The following ANO4 variants were observed in gnomAD, a reference collection of about 807,000 sequenced individuals.
ANO4 encodes the protein anoctamin-4.
In ANO4, 69 loss-of-function variants were observed where a neutral mutation model predicts 141.9. The ratio of observed to expected loss-of-function variants is 0.49; its 90% CI spans 0.40 to 0.59. The LOEUF is 0.59. Ranked by LOEUF, ANO4 falls within the 20% of genes least tolerant of loss-of-function variation. The pLI, the probability that ANO4 is intolerant of heterozygous loss-of-function variation, is 0.00. For missense variants in ANO4, 894 were observed against 1,162.2 expected (o/e 0.77, Z 3.36); for synonymous variants, 350 against 394.3 (o/e 0.89, Z 1.33).
chr12:101,111,476 A>T, intron 23 of ANO4, 87 bp from the exon 24 acceptor site: 1 of 1,281,962 alleles, frequency 7.8e-7, no homozygotes, highest in South Asian at 1.7e-5. Flanking sequence ...GACCCATGAA[A>T]AGGACTTTTA....
intron 22 of ANO4, 66 bp from the exon 23 acceptor site, chr12:101,110,338 T>C: frequency 6.8e-7 from 1 of 1,473,572 alleles, no homozygotes; most frequent in South Asian, 1.5e-5. Context: ...ATTCAGATTA[T>C]GATCCCTTTG....
chr12:100,797,703 T>A (rs1366337230), intron 1 of ANO4, among the ~76,000 whole-genome samples: 1 of 152,172 alleles, frequency 6.6e-6, no homozygotes, highest in Non-Finnish European at 1.5e-5. Flanking sequence ...GCTTTCACTG[T>A]TTCTTTTGGT....
chr12:100,890,397 A>G (rs756402764), intron 1 of ANO4, among the ~76,000 whole-genome samples: 3 of 152,232 alleles, frequency 2.0e-5, no homozygotes, highest in Non-Finnish European at 4.4e-5. Context: ...TTTTCTTGAG[A>G]TAACTTCCTA....
intron 10 of ANO4, among the ~76,000 whole-genome samples, chr12:101,039,564 C>A (rs1266593213): frequency 6.6e-6 from 1 of 152,162 alleles, no homozygotes; most frequent in Non-Finnish European, 1.5e-5. Context: ...AAGCCTTGGG[C>A]ATGGCCCCTG....
At chr12:100,720,548 C>A (rs1331893404) in intron 1 of ANO4, among the ~76,000 whole-genome samples, 3 of 151,740 alleles carry the variant, frequency 2.0e-5, no homozygotes, top group Non-Finnish European at 4.4e-5. Flanking sequence ...TATATAACTC[C>A]TCTCCCCTCA....
chr12:100,959,454 C>T (rs1332363179), intron 5 of ANO4, among the ~76,000 whole-genome samples: 1 of 152,194 alleles, frequency 6.6e-6, no homozygotes, highest in Non-Finnish European at 1.5e-5. Context: ...TTCTACACTT[C>T]ACAGAAAACT....
At position 100,894,826 on chromosome 12, in the gene ANO4, C is replaced by T. The variant is rs917062212; in HGVS notation, c.-140-6820C>T. The stretch of plus-strand genomic sequence containing the variant: ...CTAAAAATACAAAAAATTAGCCGGG[C>T]GTGGTGGCGGGCGCCTGTAGTCCCA... On this transcript the variant is annotated intron_variant, in intron 1 of 27. Coordinates refer to ENST00000392977, the MANE Select transcript of ANO4 (RefSeq NM_001286615.2). 4.0e-5 allele frequency among the ~76,000 whole-genome samples: 6 copies of T among 151,704 alleles called. 1 individual carries two copies. The highest frequency in any genetic ancestry group is 1.2e-4 in the African/African-American group (5 of 41,314).
At chr12:100,906,840 T>A (rs1184153110) in intron 2 of ANO4, among the ~76,000 whole-genome samples, 1 of 152,150 alleles carries the variant, frequency 6.6e-6, no homozygotes, top group Non-Finnish European at 1.5e-5. Flanking sequence ...TATCTACTCC[T>A]CTTTCAGATG....
intron 1 of ANO4, among the ~76,000 whole-genome samples, chr12:100,895,082 A>C (rs1484031575): frequency 6.6e-6 from 1 of 151,920 alleles, no homozygotes; most frequent in African/African-American, 2.4e-5. Context: ...AGGAAGGCGA[A>C]GCACTGGATT....
At chr12:101,071,965 A>G (rs937983027) in intron 14 of ANO4, among the ~76,000 whole-genome samples, 3 of 152,198 alleles carry the variant, frequency 2.0e-5, no homozygotes, top group African/African-American at 7.2e-5. Flanking sequence ...TAGTAACGTG[A>G]TGAATTATAG....
At chr12:100,971,482 A>G (rs1191291119) in intron 6 of ANO4, 76 bp downstream of exon 6, 1 of 1,089,436 alleles carries the variant, frequency 9.2e-7, no homozygotes, top group Non-Finnish European at 1.3e-6. Context: ...CTCAGAACAA[A>G]TAAAACTGAA....
At chr12:100,723,789 C>G (rs2030973467) in intron 1 of ANO4, among the ~76,000 whole-genome samples, 1 of 152,092 alleles carries the variant, frequency 6.6e-6, no homozygotes, top group African/African-American at 2.4e-5. Flanking sequence ...ATGCCCCATC[C>G]CCAAATACTA....
chr12:101,096,136 A>G (rs192374558), intron 18 of ANO4, among the ~76,000 whole-genome samples: 1 of 152,308 alleles, frequency 6.6e-6, no homozygotes, highest in African/African-American at 2.4e-5. Flanking sequence ...GTTGAGACCA[A>G]GGAACTCTTT....
chr12:100,843,969 A>G (rs2037417692), intron 1 of ANO4, among the ~76,000 whole-genome samples: 2 of 152,258 alleles, frequency 1.3e-5, no homozygotes, highest in Admixed American at 6.5e-5. Flanking sequence ...AAGACGATGC[A>G]TGTCAAAGAT....
intron 1 of ANO4, among the ~76,000 whole-genome samples, chr12:100,806,257 A>T (rs2135682411): frequency 6.6e-6 from 1 of 152,292 alleles, no homozygotes; most frequent in East Asian, 1.9e-4. Flanking sequence ...CTGAATCACC[A>T]TTAACAGAAG....
intron 2 of ANO4, among the ~76,000 whole-genome samples, chr12:100,735,926 A>T (rs1170225042): frequency 6.6e-6 from 1 of 152,210 alleles, no homozygotes; most frequent in Admixed American, 6.5e-5. Flanking sequence ...CTTTGGAAGA[A>T]GATGAGATAA....
intron 14 of ANO4, 130 bp downstream of exon 14, chr12:101,048,531 A>T: frequency 1.3e-6 from 1 of 764,176 alleles, no homozygotes. Context: ...ATTAGTAGAA[A>T]GTTGGTAAAT....
Position 100,863,211 on chromosome 12 carries a change from C to A in ANO4, c.-140-38435C>A, listed in dbSNP as rs79130282. Among the ~76,000 whole-genome samples, 765 of 152,166 alleles carry A rather than the reference C, an allele frequency of 5.0e-3. 9 individuals carry two copies. Among genetic ancestry groups the A allele is most frequent in the African/African-American group, 0.018 (734 of 41,534 alleles). On this transcript the variant is annotated intron_variant, in intron 1 of 27. Transcript: ENST00000392977. ...AGTGGATTATACAGATCTTGTAGGG[C>A]TTTTTGGTCAGTGTTATTTAGTCTT...
chr12:100,725,343 CTTTTTTTTT>C (rs5800419), intron 1 of ANO4, among the ~76,000 whole-genome samples: 4 of 114,952 alleles, frequency 3.5e-5, no homozygotes, highest in Admixed American at 9.5e-5. Context: ...AAATTGGTAT[CTTTTTTTTT>C]TTTTTTTTTT....
Sources: allele counts gnomAD v4.1 joint callset (sites outside exome capture counted in the v4.1 genomes callset), GRCh38; gene constraint gnomAD v4.1.1; transcripts MANE v1.5; gene names NCBI Gene and HGNC (gene_info 2026-07-23, HGNC 2026-07-21).